CD9: variants seen among roughly 807,000 people sequenced by gnomAD.
The protein encoded by CD9 is CD9 molecule, also known as CD9 antigen.
A neutral mutation model predicts 31.4 loss-of-function variants in CD9; 10 were observed. The ratio of observed to expected loss-of-function variants is 0.32; its 90% CI spans 0.20 to 0.54. The LOEUF (loss-of-function observed/expected upper bound fraction) is 0.54. Among genes scored for constraint, CD9 ranks in the 20% least tolerant of loss-of-function variants. CD9 has a pLI of 0.94. For missense variants in CD9, 259 were observed against 300.1 expected, an observed-to-expected ratio of 0.86 and a Z score of 1.01; for synonymous variants, 113 against 114.1, an observed-to-expected ratio of 0.99 and a Z score of 0.06.
chr12:6,220,977 G>GC (rs1946286541), intron 1 of CD9, among the ~76,000 whole-genome samples: 1 of 152,160 alleles, frequency 6.6e-6, no homozygotes. Context: ...CAGTTGTCAT[G>GC]CCCCCTCAGT....
chr12:6,206,434 G>A (rs1946133353), intron 1 of CD9, among the ~76,000 whole-genome samples: 1 of 152,088 alleles, frequency 6.6e-6, no homozygotes, highest in South Asian at 2.1e-4. Context: ...ATGTTGCCCA[G>A]GCTGGTCTCA....
rs1255014231 is a variant in CD9, at chr12:6,232,766, C to G, written c.273+37C>G. 2.2e-6 allele frequency: 3 copies of G among 1,371,290 alleles called. No individual in the cohort carries two copies. The African/African-American group carries it at 4.3e-5, about 20-fold the overall frequency. The allele number at this position is 1,371,290 out of a possible 1,614,324, so 84.9% of individuals were successfully genotyped here. ...CTCGGCATCCCCACAGCCACCCTGA[C>G]TCCCACCAACAAAAACCTCAGCAGG... On this transcript the variant is annotated intron_variant, in intron 3 of 7. Coordinates refer to ENST00000009180, the MANE Select transcript of CD9 (RefSeq NM_001769.4). This position sits in a 1 kb window ranked among gnomAD's most constrained non-coding sequence, Gnocchi z 4.8.
At chr12:6,228,761 G>C (rs1012798774) in intron 2 of CD9, among the ~76,000 whole-genome samples, 8 of 152,172 alleles carry the variant, frequency 5.3e-5, no homozygotes, top group Admixed American at 3.3e-4. Flanking sequence ...CCTTCTCCTA[G>C]CAGATGAGCT....
At chr12:6,237,018 G>A (rs868058490) in intron 7 of CD9, among the ~76,000 whole-genome samples, 5 of 151,642 alleles carry the variant, frequency 3.3e-5, no homozygotes, top group African/African-American at 4.9e-5. Flanking sequence ...CACTCTTGTC[G>A]CCCAGGCTGG....
In CD9 at chr12:6,237,961, T is replaced by C. The variant is rs953170747; in HGVS notation, c.*133T>C. ...AATTTTAGTATTCATTCTGCATTGC[T>C]AGATAAAAGCTGAAGTTACTTTATG... is the stretch of plus-strand genomic sequence containing the variant. On this transcript the variant is annotated 3_prime_UTR_variant, in exon 8 of 8. Transcript: ENST00000009180. 1 of 610,672 alleles carries C rather than the reference T, an allele frequency of 1.6e-6. No individual in the cohort carries two copies. The highest frequency in any genetic ancestry group is 1.8e-5 in the African/African-American group (1 of 54,064). 37.8% of individuals were successfully genotyped at this position (610,672 alleles called of 1,614,324 possible). A position where few individuals can be genotyped will look rare whatever the true frequency, so the allele number is the denominator to read the frequency against.
At chr12:6,218,509 G>T (rs1247865449) in intron 1 of CD9, among the ~76,000 whole-genome samples, 1 of 152,116 alleles carries the variant, frequency 6.6e-6, no homozygotes, top group Non-Finnish European at 1.5e-5. Context: ...CCATCAGGAG[G>T]CCAGGCTGTA....
At chr12:6,229,697 C>A (rs560186113) in intron 2 of CD9, among the ~76,000 whole-genome samples, 9 of 151,628 alleles carry the variant, frequency 5.9e-5, no homozygotes, top group African/African-American at 2.2e-4. Context: ...GGTGTAGGGA[C>A]GGGAGCCTGC....
intron 2 of CD9, chr12:6,226,179 T>G (rs921542979): frequency 1.3e-5 from 2 of 152,166 alleles, no homozygotes; most frequent in African/African-American, 4.8e-5. Context: ...TGAACAGACT[T>G]GGCAGGTTTC....
At chr12:6,233,189 C>T (rs554384020) in intron 3 of CD9, 1 of 643,008 alleles carries the variant, frequency 1.6e-6, no homozygotes, top group South Asian at 1.8e-5. Context: ...GTGCTCAGCT[C>T]TTTCCTCATG....
chr12:6,226,470 C>T (rs1257012688), intron 2 of CD9: 1 of 152,150 alleles, frequency 6.6e-6, no homozygotes, highest in Admixed American at 6.5e-5. Context: ...TCCCACCCAC[C>T]AAAAAAGTTA....
At chr12:6,219,329 G>T (rs1178393073) in intron 1 of CD9, among the ~76,000 whole-genome samples, 1 of 151,964 alleles carries the variant, frequency 6.6e-6, no homozygotes, top group African/African-American at 2.4e-5. Context: ...TGTAAACTTG[G>T]TTTTCCAAAG....
chr12:6,200,192 C>G (rs1565416373), upstream of CD9: 1 of 147,126 alleles, frequency 6.8e-6, no homozygotes, highest in East Asian at 2.0e-4. Context: ...GGGAGAGGGT[C>G]GGGCTCCGCG....
rs75727380 is a variant in CD9, at chr12:6,218,892, C to T, written c.67-6534C>T. 4.9e-3 allele frequency among the ~76,000 whole-genome samples: 742 copies of T among 152,238 alleles called. 9 individuals are homozygous for T. The highest frequency in any genetic ancestry group is 0.017 in the African/African-American group (706 of 41,530). ...GAGGCTCACATAAGCCCCAGGTGAC[C>T]AGCTTACCTGTGTTCGTCAAACATA... On this transcript the variant is annotated intron_variant, in intron 1 of 7. Coordinates refer to ENST00000009180, the MANE Select transcript of CD9 (RefSeq NM_001769.4).
At chr12:6,209,001 C>T (rs1946163270) in intron 1 of CD9, among the ~76,000 whole-genome samples, 1 of 151,758 alleles carries the variant, frequency 6.6e-6, no homozygotes, top group African/African-American at 2.4e-5. Context: ...CAGAGTCTCG[C>T]TCTGTCACCC....
chr12:6,226,978 A>G (rs570253053), intron 2 of CD9, among the ~76,000 whole-genome samples: 320 of 152,308 alleles, frequency 2.1e-3, no homozygotes, highest in African/African-American at 7.2e-3. Flanking sequence ...AGGCACAGTC[A>G]GGCCTGCTTT....
upstream of CD9, chr12:6,200,359 G>C (rs1384192594): frequency 3.8e-6 from 2 of 526,024 alleles, no homozygotes; most frequent in South Asian, 4.9e-5. Context: ...CGCGCCCTAA[G>C]GAGTGGCACT....
intron 1 of CD9, among the ~76,000 whole-genome samples, chr12:6,205,399 T>C (rs1236352031): frequency 6.6e-6 from 1 of 152,174 alleles, no homozygotes; most frequent in Non-Finnish European, 1.5e-5. Flanking sequence ...CAGACCCTGC[T>C]CTATTGTGCT....
At position 6,232,523 on chromosome 12, in the gene CD9, A is replaced by G; in HGVS notation, c.176-109A>G. ...CTTCTTCCCTGAGATGAGGGGAATAAGGAGGTGGGGAGGCAGGAGTTAGGC... is the reference window on the plus strand; with the variant it reads ...CTTCTTCCCTGAGATGAGGGGAATAGGGAGGTGGGGAGGCAGGAGTTAGGC... On this transcript the variant is annotated intron_variant, in intron 2 of 7. Coordinates refer to ENST00000009180, the MANE Select transcript of CD9 (RefSeq NM_001769.4). The surrounding 1 kb of genome is among the most constrained non-coding windows in gnomAD (Gnocchi z 4.8). 1 of 723,962 alleles carries G rather than the reference A, an allele frequency of 1.4e-6. No individual in the cohort carries two copies. Among genetic ancestry groups the G allele is most frequent in the Non-Finnish European group, 2.5e-6 (1 of 405,504 alleles). 44.8% of individuals were successfully genotyped at this position (723,962 alleles called of 1,614,324 possible). A position where few individuals can be genotyped will look rare whatever the true frequency, so the allele number is the denominator to read the frequency against.
intron 1 of CD9, among the ~76,000 whole-genome samples, chr12:6,221,014 C>T (rs1591970546): frequency 6.6e-6 from 1 of 152,212 alleles, no homozygotes; most frequent in East Asian, 1.9e-4. Flanking sequence ...CAGTTTCTGT[C>T]TTTCCTTGTT....
Sources: allele counts gnomAD v4.1 joint callset (sites outside exome capture counted in the v4.1 genomes callset), GRCh38; gene constraint gnomAD v4.1.1; non-coding constraint Gnocchi (gnomAD v3.1); transcripts MANE v1.5; gene names NCBI Gene and HGNC (gene_info 2026-07-23, HGNC 2026-07-21).